The following KCNQ5 variants were observed in gnomAD, a reference collection of about 807,000 sequenced individuals.
KCNQ5 encodes potassium voltage-gated channel subfamily Q member 5.
In KCNQ5, 30 loss-of-function variants were observed where a neutral mutation model predicts 98.2. The ratio of observed to expected loss-of-function variants is 0.31; its 90% CI spans 0.23 to 0.41. KCNQ5 has a LOEUF of 0.41. KCNQ5 is among the 10% of genes least tolerant of loss of function. The pLI is 1.00. For missense variants in KCNQ5, 835 were observed against 1,182.5 expected, an observed-to-expected ratio of 0.71 and a Z score of 4.31; for synonymous variants, 458 against 449.4, an observed-to-expected ratio of 1.02 and a Z score of -0.24.
intron 1 of KCNQ5, among the ~76,000 whole-genome samples, chr6:72,938,540 C>T (rs9442871): frequency 0.26 from 26,697 of 104,480 alleles, 2,562 homozygotes; most frequent in Middle Eastern, 0.31. Context: ...CCACCACACC[C>T]GGCTAATTCT....
In KCNQ5 at chr6:72,622,253, G is replaced by C; in HGVS notation, c.64G>C (p.Ala22Pro). The part of the protein sequence containing the change: ...GAAGLWVKSG[A>P]AAAAAGGGRL... ...CGCCGGGCTCTGGGTGAAGAGCGGC[G>C]CAGCGGCGGCGGCGGCGGGCGGGGG... The change falls in exon 1 of 14, where the codon GCA (alanine) becomes CCA (proline). Residue 22 changes from alanine (A) to proline (P), a missense_variant. Transcript: ENST00000370398. The surrounding 1 kb of genome is among the most constrained non-coding windows in gnomAD (Gnocchi z 6.0). The C allele has an allele frequency of 7.9e-7, 1 of 1,266,526 alleles. No individual in the cohort carries two copies. 78.5% of individuals were successfully genotyped at this position (1,266,526 alleles called of 1,614,324 possible).
At chr6:72,922,996 G>C (rs770211291) in intron 1 of KCNQ5, among the ~76,000 whole-genome samples, 3 of 151,630 alleles carry the variant, frequency 2.0e-5, no homozygotes, top group Non-Finnish European at 4.4e-5. Flanking sequence ...ATTTTTAGTA[G>C]AGACGGGGTT....
intron 1 of KCNQ5, among the ~76,000 whole-genome samples, chr6:72,738,094 G>T (rs1770944171): frequency 6.6e-6 from 1 of 152,154 alleles, no homozygotes; most frequent in African/African-American, 2.4e-5. Context: ...GGTGGAGCCT[G>T]CAGTGAGCCG....
chr6:72,819,061 G>A (rs963565969), intron 1 of KCNQ5, among the ~76,000 whole-genome samples: 2 of 151,872 alleles, frequency 1.3e-5, no homozygotes, highest in African/African-American at 4.8e-5. Context: ...TTAAAAGTTA[G>A]TAAGATGTGC....
intron 5 of KCNQ5, among the ~76,000 whole-genome samples, chr6:73,101,104 A>G (rs1774754497): frequency 2.6e-5 from 4 of 152,230 alleles, no homozygotes; most frequent in Admixed American, 2.6e-4. Flanking sequence ...TCCAAAAAGT[A>G]GAGGAGGAAC....
chr6:73,017,372 A>G (rs1294658217), intron 2 of KCNQ5, among the ~76,000 whole-genome samples: 1 of 152,154 alleles, frequency 6.6e-6, no homozygotes, highest in African/African-American at 2.4e-5. Context: ...TATCTTGGAG[A>G]TTACAAATGA....
At chr6:72,972,360 C>CTTTTTTTTT (rs11447499) in intron 1 of KCNQ5, among the ~76,000 whole-genome samples, 2 of 150,908 alleles carry the variant, frequency 1.3e-5, no homozygotes, top group Non-Finnish European at 1.5e-5. Context: ...TGAGCTGCTT[C>CTTTTTTTTT]TTTTTTTTTC....
intron 1 of KCNQ5, among the ~76,000 whole-genome samples, chr6:72,762,830 T>G (rs1361975137): frequency 6.6e-6 from 1 of 152,108 alleles, no homozygotes; most frequent in Admixed American, 6.6e-5. Flanking sequence ...TCAATTTTAG[T>G]TAGATTTTCT....
intron 1 of KCNQ5, among the ~76,000 whole-genome samples, chr6:72,851,034 G>A (rs976997029): frequency 6.6e-6 from 1 of 151,988 alleles, no homozygotes; most frequent in African/African-American, 2.4e-5. Flanking sequence ...CTTAGAAGTA[G>A]GTTCACATAT....
intron 1 of KCNQ5, among the ~76,000 whole-genome samples, chr6:72,711,116 G>A (rs1342893780): frequency 6.6e-6 from 1 of 152,080 alleles, no homozygotes; most frequent in Admixed American, 6.6e-5. Context: ...AGTAACTAAG[G>A]TAAAATGAGG....
At chr6:72,977,945 C>T (rs1015574344) in intron 1 of KCNQ5, among the ~76,000 whole-genome samples, 1 of 152,124 alleles carries the variant, frequency 6.6e-6, no homozygotes, top group Non-Finnish European at 1.5e-5. Flanking sequence ...ATGTTGAATG[C>T]GTCAATGAAT....
chr6:73,088,097 C>G (rs1297174872), intron 5 of KCNQ5, among the ~76,000 whole-genome samples: 2 of 149,926 alleles, frequency 1.3e-5, no homozygotes, highest in African/African-American at 4.9e-5. Flanking sequence ...TCTTGGCTCA[C>G]TGCAACCTCC....
At chr6:72,726,402 A>G (rs1266491751) in intron 1 of KCNQ5, among the ~76,000 whole-genome samples, 4 of 151,762 alleles carry the variant, frequency 2.6e-5, no homozygotes, top group Non-Finnish European at 5.9e-5. Flanking sequence ...TTTAGTAGAG[A>G]TGGGGTTTCA....
At chr6:72,720,837 C>T (rs914256564) in intron 1 of KCNQ5, among the ~76,000 whole-genome samples, 6 of 152,190 alleles carry the variant, frequency 3.9e-5, no homozygotes, top group African/African-American at 1.4e-4. Flanking sequence ...CAACTTCTAG[C>T]TCTAAGTCCA....
chr6:72,791,053 G>T (rs1381609809), intron 1 of KCNQ5, among the ~76,000 whole-genome samples: 1 of 152,180 alleles, frequency 6.6e-6, no homozygotes, highest in Non-Finnish European at 1.5e-5. Context: ...TAAGTGCTCT[G>T]AAGAAAATAA....
At chr6:73,173,211 T>TG (rs1778076691) in intron 11 of KCNQ5, among the ~76,000 whole-genome samples, 1 of 152,192 alleles carries the variant, frequency 6.6e-6, no homozygotes, top group Admixed American at 6.5e-5. Context: ...TTCAGGGAAA[T>TG]GCAAAAATGT....
chr6:72,942,282 C>T (rs11758798), intron 1 of KCNQ5, among the ~76,000 whole-genome samples: 54,343 of 152,042 alleles, frequency 0.36, 10,197 homozygotes, highest in African/African-American at 0.46. Context: ...ATGTTATTCA[C>T]TGACCTGTAG....
intron 1 of KCNQ5, among the ~76,000 whole-genome samples, chr6:72,885,368 A>T (rs957123924): frequency 4.6e-5 from 7 of 152,210 alleles, no homozygotes; most frequent in African/African-American, 1.7e-4. Context: ...CGACATTTAC[A>T]AAAGAATGTA....
intron 1 of KCNQ5, among the ~76,000 whole-genome samples, chr6:72,978,133 T>C (rs1435558408): frequency 6.6e-6 from 1 of 152,222 alleles, no homozygotes; most frequent in Non-Finnish European, 1.5e-5. Context: ...TTAACAAGAA[T>C]ATCAAATATC....
Sources: gnomAD v4.1 joint callset for allele counts (sites outside exome capture counted in the v4.1 genomes callset) on GRCh38, gnomAD v4.1.1 for gene constraint, Gnocchi (gnomAD v3.1) non-coding constraint, MANE v1.5 for transcripts, NCBI Gene and HGNC (gene_info 2026-07-23, HGNC 2026-07-21) for gene names.